PHACTR2: variants seen among roughly 807,000 people sequenced by gnomAD.
The protein encoded by PHACTR2 is phosphatase and actin regulator 2, also known as chromosome 6 open reading frame 56.
Under a neutral mutation model 76.0 loss-of-function variants are expected in PHACTR2, and 30 were observed. The observed-to-expected ratio is 0.39, with a 90% CI of 0.30 to 0.54. PHACTR2 has a LOEUF of 0.54. Among genes scored for constraint, PHACTR2 ranks in the 20% least tolerant of loss-of-function variants. PHACTR2 has a pLI of 0.61. For missense variants in PHACTR2, 696 were observed against 781.1 expected (o/e 0.89, Z 1.30); for synonymous variants, 292 against 292.5 (o/e 1.00, Z 0.02).
intron 2 of PHACTR2, among the ~76,000 whole-genome samples, chr6:143,745,097 T>C (rs919862300): frequency 3.3e-5 from 5 of 152,174 alleles, no homozygotes; most frequent in Non-Finnish European, 7.3e-5. Context: ...CCCACTAGCG[T>C]CTTCCCTGGC....
rs1775535241 is a variant in PHACTR2 at position 143,578,291 on chromosome 6, C to T, written c.217+41084C>T. ...CCCTTTGTCAGTGCAATGCCTCATC[C>T]TCCATGTTTCCCCTTCTAGGATGAT... On this transcript the variant is annotated intron_variant, in intron 1 of 11. Transcript: ENST00000367584. This position sits in a 1 kb window ranked among gnomAD's most constrained non-coding sequence, Gnocchi z 4.5. Among the ~76,000 whole-genome samples the T allele has an allele frequency of 6.6e-6, 1 of 152,216 alleles. No homozygotes were observed. Among genetic ancestry groups the T allele is most frequent in the Non-Finnish European group, 1.5e-5 (1 of 68,034 alleles).
chr6:143,739,389 C>G lies in PHACTR2; in HGVS notation c.215-9596C>G, dbSNP rs1778892243. Among the ~76,000 whole-genome samples, 1 of 152,144 alleles carries G rather than the reference C, an allele frequency of 6.6e-6. No homozygotes were observed. The highest frequency in any genetic ancestry group is 1.5e-5 in the Non-Finnish European group (1 of 68,020). On this transcript the variant is annotated intron_variant, in intron 2 of 12. Coordinates refer to ENST00000440869, the MANE Select transcript of PHACTR2 (RefSeq NM_001100164.2). The surrounding 1 kb of genome is among the most constrained non-coding windows in gnomAD (Gnocchi z 4.3). ...CGAGATTCACTTTAAAATCAGTTCT[C>G]TAGCCTGTTCTTTTTGGGACGAGAT...
rs1347241385 is a variant in PHACTR2 at position 143,828,072 on chromosome 6, C to T, written c.*4383C>T. 1 of 152,078 alleles carries T rather than the reference C, an allele frequency of 6.6e-6. No individual in the cohort carries two copies. The highest frequency in any genetic ancestry group is 2.4e-5 in the African/African-American group (1 of 41,394). 9.4% of individuals were successfully genotyped at this position (152,078 alleles called of 1,614,324 possible). On this transcript the variant is annotated 3_prime_UTR_variant, in exon 13 of 13. Transcript: ENST00000440869. This position sits in a 1 kb window ranked among gnomAD's most constrained non-coding sequence, Gnocchi z 4.7. ...GGCTGAGGCAGGGAAATCGCTTAAA[C>T]CCGGGAGGTGGAGGTTGCAGTGGGC... is the stretch of plus-strand genomic sequence containing the variant.
At position 143,700,964 on chromosome 6, in the gene PHACTR2, C is replaced by G. The variant is rs1371764897; in HGVS notation, c.47-11052C>G. On this transcript the variant is annotated intron_variant, in intron 1 of 12. Transcript: ENST00000440869. The surrounding 1 kb of genome is among the most constrained non-coding windows in gnomAD (Gnocchi z 4.1). The stretch of plus-strand genomic sequence containing the variant: ...ATCTGTTCATAGAGACAACCCTTCC[C>G]TTGTAGCGATAACAGTGGCATTCAA... Among the ~76,000 whole-genome samples, 1 of 152,238 alleles carries G rather than the reference C, an allele frequency of 6.6e-6. No individual in the cohort carries two copies. The highest frequency in any genetic ancestry group is 1.9e-4 in the East Asian group (1 of 5,206).
At chr6:143,704,934 C>A (rs1392321462) in intron 1 of PHACTR2, among the ~76,000 whole-genome samples, 1 of 146,994 alleles carries the variant, frequency 6.8e-6, no homozygotes, top group South Asian at 2.2e-4. Context: ...GTTCAAGGAT[C>A]CTCCTGCCTC....
intron 1 of PHACTR2, among the ~76,000 whole-genome samples, chr6:143,638,046 T>C (rs4424099): frequency 0.17 from 25,717 of 152,258 alleles, 2,621 homozygotes; most frequent in South Asian, 0.29. Context: ...AGCAATAGCA[T>C]TTCTGGTAAA....
chr6:143,609,141 C>G (rs1482779982), intron 1 of PHACTR2, among the ~76,000 whole-genome samples: 1 of 152,140 alleles, frequency 6.6e-6, no homozygotes, highest in Non-Finnish European at 1.5e-5. Flanking sequence ...TGATGCTTCC[C>G]ATGCCTTGAG....
rs1775015597 is a variant in PHACTR2 at position 143,547,468 on chromosome 6, C to T, written c.217+10261C>T. On this transcript the variant is annotated intron_variant, in intron 1 of 11. Transcript: ENST00000367584. This position sits in a 1 kb window ranked among gnomAD's most constrained non-coding sequence, Gnocchi z 4.2. ...ACTGCGTACCTCCAAAATATATAAC[C>T]ACACAAGGTCATATGTGCTAACCAA... Among the ~76,000 whole-genome samples the T allele has an allele frequency of 1.3e-5, 2 of 152,148 alleles. No homozygotes were observed. Among genetic ancestry groups the T allele is most frequent in the African/African-American group, 4.8e-5 (2 of 41,424 alleles).
intron 1 of PHACTR2, among the ~76,000 whole-genome samples, chr6:143,655,157 C>CAA (rs151076366): frequency 0.013 from 1,265 of 98,984 alleles, 15 homozygotes; most frequent in African/African-American, 0.047. Flanking sequence ...AACTCCGTCT[C>CAA]AAAAAAAAAA....
intron 2 of PHACTR2, among the ~76,000 whole-genome samples, chr6:143,741,061 A>C (rs1778930303): frequency 2.0e-5 from 3 of 152,248 alleles, no homozygotes; most frequent in Admixed American, 2.0e-4. Flanking sequence ...CAGCCTGGCC[A>C]ACATGGCGAA....
chr6:143,760,487 A>C lies in PHACTR2; in HGVS notation c.541A>C (p.Lys181Gln). Residue 181 changes from lysine to glutamine, a missense_variant, in exon 5 of 13, where the codon AAA becomes CAA. Around this residue, in one of 2 missense-constraint regions of PHACTR2, gnomAD observed 460 missense variants for 450.9 expected, o/e 1.02. Transcript: ENST00000440869. The surrounding 1 kb of genome is among the most constrained non-coding windows in gnomAD (Gnocchi z 6.4). ...TAAGCCTAGACCCAAACCTAAACCC[A>C]AAAAATCACCTGTGCCTCCGAAAGG... The part of the protein sequence containing the change: ...PPKPRPKPKP[K>Q]KSPVPPKGAT... The C allele has an allele frequency of 6.2e-7, 1 of 1,613,736 alleles. No homozygotes were observed. Among genetic ancestry groups the C allele is most frequent in the Middle Eastern group, 1.6e-4 (1 of 6,062 alleles).
At chr6:143,649,849 C>A (rs1385021718) in intron 1 of PHACTR2, among the ~76,000 whole-genome samples, 1 of 152,158 alleles carries the variant, frequency 6.6e-6, no homozygotes, top group Non-Finnish European at 1.5e-5. Context: ...TCAGGGCAAT[C>A]AGGCAAGAGA....
At position 143,641,706 on chromosome 6, in the gene PHACTR2, A is replaced by C. The variant is rs2096180; in HGVS notation, c.13+33384A>C. ...TTTTGAATAGAGACGGGGTTTCTCC[A>C]TGTTGGTCAGGCTGGTCTTGAACTC... On this transcript the variant is annotated intron_variant, in intron 1 of 11. Transcript: ENST00000305766. This position sits in a 1 kb window ranked among gnomAD's most constrained non-coding sequence, Gnocchi z 5.8. Among the ~76,000 whole-genome samples, 27,621 of 151,874 alleles carry C rather than the reference A, an allele frequency of 0.18. 2,594 individuals are homozygous for C. Among genetic ancestry groups the C allele is most frequent in the East Asian group, 0.31 (1,583 of 5,154 alleles).
At chr6:143,711,167 C>G (rs1256680014) in intron 1 of PHACTR2, 1 of 391,702 alleles carries the variant, frequency 2.6e-6, no homozygotes, top group African/African-American at 2.1e-5. Flanking sequence ...CAGGTTATTT[C>G]TGCCTCCAAG....
rs988465148 is a variant in PHACTR2 at position 143,755,095 on chromosome 6, A to G, written c.454+1183A>G. ...TGTTGGAAATGTATTATTTTGCTTT[A>G]TTTCAAGGGCTTTATCTAGCCTTGT... On this transcript the variant is annotated intron_variant, in intron 4 of 12. Coordinates refer to ENST00000440869, the MANE Select transcript of PHACTR2 (RefSeq NM_001100164.2). The surrounding 1 kb of genome is among the most constrained non-coding windows in gnomAD (Gnocchi z 5.2). 3.3e-5 allele frequency among the ~76,000 whole-genome samples: 5 copies of G among 152,196 alleles called. No homozygotes were observed. Among genetic ancestry groups the G allele is most frequent in the Non-Finnish European group, 5.9e-5 (4 of 68,028 alleles).
rs1328058434 is a variant in PHACTR2, at chr6:143,659,742, G to A, written c.13+51420G>A. Among the ~76,000 whole-genome samples, 1 of 152,186 alleles carries A rather than the reference G, an allele frequency of 6.6e-6. No individual in the cohort carries two copies. On this transcript the variant is annotated intron_variant, in intron 1 of 11. Coordinates refer to the PHACTR2 transcript ENST00000305766. The surrounding 1 kb of genome is among the most constrained non-coding windows in gnomAD (Gnocchi z 5.0). The stretch of plus-strand genomic sequence containing the variant: ...CTCCCAATGGTAAGAAGCATTTATT[G>A]TAGTACCTCAGTTAGTCAAATATTT...
chr6:143,657,846 G>A (rs1776876262), intron 1 of PHACTR2, among the ~76,000 whole-genome samples: 1 of 152,192 alleles, frequency 6.6e-6, no homozygotes, highest in Admixed American at 6.5e-5. Context: ...TCTCGGGCAA[G>A]CCTGCAGCTT....
chr6:143,734,295 C>T (rs1326702471), intron 2 of PHACTR2, among the ~76,000 whole-genome samples: 2 of 151,686 alleles, frequency 1.3e-5, no homozygotes, highest in African/African-American at 2.4e-5. Context: ...CTACCTCTTA[C>T]AGATCGATAA....
At position 143,738,224 on chromosome 6, in the gene PHACTR2, G is replaced by A. The variant is rs367763336; in HGVS notation, c.215-10761G>A. On this transcript the variant is annotated intron_variant, in intron 2 of 12. Transcript: ENST00000440869. The surrounding 1 kb of genome is among the most constrained non-coding windows in gnomAD (Gnocchi z 4.0). The stretch of plus-strand genomic sequence containing the variant: ...CAGGAGTTCGAAACCAGTGGGGGGC[G>A]CCTGTAATCCCAGCTACTCAGGAGG... Among the ~76,000 whole-genome samples the A allele has an allele frequency of 1.5e-4, 23 of 152,122 alleles. No homozygotes were observed. The highest frequency in any genetic ancestry group is 9.7e-4 in the East Asian group (5 of 5,168).
Sources: gnomAD v4.1 joint callset for allele counts (sites outside exome capture counted in the v4.1 genomes callset) on GRCh38, gnomAD v4.1.1 for gene constraint, gnomAD v4.1.1 regional missense constraint, Gnocchi (gnomAD v3.1) non-coding constraint, MANE v1.5 for transcripts, NCBI Gene and HGNC (gene_info 2026-07-23, HGNC 2026-07-21) for gene names.